Variants in TWIST2 observed in about 807,000 individuals in gnomAD.
TWIST2 encodes the protein twist family bHLH transcription factor 2.
In TWIST2, 1 loss-of-function variant was observed where a neutral mutation model predicts 11.6. That is an observed-to-expected ratio of 0.09 (90% CI 0.03 to 0.41). TWIST2 has a LOEUF of 0.41. Ranked by LOEUF, TWIST2 falls within the 10% of genes least tolerant of loss-of-function variation. The pLI is 0.98. For synonymous variants in TWIST2, 87 were observed against 96.6 expected (o/e 0.90, Z 0.58); for missense variants, 168 against 226.4 (o/e 0.74, Z 1.66).
chr2:238,868,523 A>G (rs142146768), intron 1 of TWIST2, among the ~76,000 whole-genome samples: 11,605 of 152,254 alleles, frequency 0.076, 924 homozygotes, highest in East Asian at 0.45. Context: ...GTCTCCTCCC[A>G]TTCCACGTCC....
chr2:238,887,192 T>C (rs1488416029), intron 1 of TWIST2: 1 of 152,100 alleles, frequency 6.6e-6, no homozygotes, highest in Non-Finnish European at 1.5e-5. Context: ...GGGCGCCCGG[T>C]AATAACCCTC....
intron 1 of TWIST2, among the ~76,000 whole-genome samples, chr2:238,855,049 T>A (rs1023659466): frequency 2.6e-5 from 4 of 152,198 alleles, no homozygotes; most frequent in Non-Finnish European, 5.9e-5. Flanking sequence ...ACTTGTCCTT[T>A]ACTTCCACAA....
chr2:238,899,839 C>A (rs1304076841), intron 1 of TWIST2, among the ~76,000 whole-genome samples: 4 of 152,150 alleles, frequency 2.6e-5, no homozygotes, highest in Non-Finnish European at 5.9e-5. Context: ...GGTGTCCAAA[C>A]CGTGTCATCT....
intron 1 of TWIST2, among the ~76,000 whole-genome samples, chr2:238,872,176 A>G (rs1574756515): frequency 6.6e-6 from 1 of 152,134 alleles, no homozygotes; most frequent in East Asian, 1.9e-4. Context: ...TCTCTATCCC[A>G]CTAGCAGTCC....
At chr2:238,881,284 T>C (rs1472781528) in intron 1 of TWIST2, among the ~76,000 whole-genome samples, 1 of 145,630 alleles carries the variant, frequency 6.9e-6, no homozygotes, top group Non-Finnish European at 1.5e-5. Context: ...TTAGCATTAG[T>C]ATTAATGTTA....
chr2:238,877,747 C>A (rs1692833031), intron 1 of TWIST2, among the ~76,000 whole-genome samples: 1 of 152,150 alleles, frequency 6.6e-6, no homozygotes, highest in Admixed American at 6.6e-5. Flanking sequence ...GTGAACATAT[C>A]ATTTCTTTTA....
intron 1 of TWIST2, among the ~76,000 whole-genome samples, chr2:238,906,921 C>A (rs945027766): frequency 6.6e-6 from 1 of 152,242 alleles, no homozygotes; most frequent in Admixed American, 6.5e-5. Context: ...CAATAATTCT[C>A]GCTGAACACT....
intron 1 of TWIST2, among the ~76,000 whole-genome samples, chr2:238,870,684 A>C (rs1481021765): frequency 3.5e-5 from 1 of 28,978 alleles, no homozygotes; most frequent in African/African-American, 1.8e-4. Flanking sequence ...CCATGCACAC[A>C]CCACACACCA....
intron 1 of TWIST2, among the ~76,000 whole-genome samples, chr2:238,862,760 A>G (rs1216534417): frequency 6.6e-6 from 1 of 152,262 alleles, no homozygotes; most frequent in Non-Finnish European, 1.5e-5. Flanking sequence ...TATCAGCTTC[A>G]TTAATATTGG....
At chr2:238,904,515 CAT>C (rs1218706188) in intron 1 of TWIST2, among the ~76,000 whole-genome samples, 112 of 151,558 alleles carry the variant, frequency 7.4e-4, no homozygotes, top group African/African-American at 2.6e-3. Context: ...AGAGATTTCA[CAT>C]GTGTGCTCAC....
chr2:238,905,964 CGTGT>C (rs1221851359), intron 1 of TWIST2, among the ~76,000 whole-genome samples: 1 of 115,362 alleles, frequency 8.7e-6, no homozygotes. Context: ...TGTACGTGTG[CGTGT>C]GTGTGCGCGC....
At chr2:238,860,345 C>T (rs1322776849) in intron 1 of TWIST2, among the ~76,000 whole-genome samples, 1 of 152,142 alleles carries the variant, frequency 6.6e-6, no homozygotes, top group Non-Finnish European at 1.5e-5. Context: ...ATCTGTGCAC[C>T]CTTTACATGC....
At chr2:238,850,437 C>T (rs557171561) in intron 1 of TWIST2, among the ~76,000 whole-genome samples, 1 of 152,156 alleles carries the variant, frequency 6.6e-6, no homozygotes, top group African/African-American at 2.4e-5. Context: ...TAAGAACAAA[C>T]AGATGAGGAA....
At chr2:238,859,386 G>T (rs1692388913) in intron 1 of TWIST2, among the ~76,000 whole-genome samples, 2 of 151,930 alleles carry the variant, frequency 1.3e-5, no homozygotes, top group African/African-American at 4.8e-5. Context: ...AGGCTTCTCG[G>T]GCTTCATGGG....
rs1229428285 is a variant in TWIST2 at position 238,867,370 on chromosome 2, A to AACACACAC, written c.*35+18672_*35+18679dup. ...CTGGGGAGTAAAATGTCCTGCCTTC[A>AACACACAC]ACACACACACACACACACACACACA... On this transcript the variant is annotated intron_variant, in intron 1 of 1. Transcript: ENST00000612363. This position sits in a 1 kb window ranked among gnomAD's most constrained non-coding sequence, Gnocchi z 4.8. Among the ~76,000 whole-genome samples the AACACACAC allele has an allele frequency of 0.15, 17,363 of 119,466 alleles. 1,600 individuals are homozygous for AACACACAC. The highest frequency in any genetic ancestry group is 0.22 in the Middle Eastern group (51 of 232). The allele number at this position is 119,466 out of a possible 152,430, so 78.4% of individuals were successfully genotyped here. A position where few individuals can be genotyped will look rare whatever the true frequency, so the allele number is the denominator to read the frequency against.
intron 1 of TWIST2, among the ~76,000 whole-genome samples, chr2:238,894,751 TG>T: frequency 6.6e-6 from 1 of 151,926 alleles, no homozygotes; most frequent in African/African-American, 2.4e-5. Flanking sequence ...CCCTCTCAAC[TG>T]GGACTGATCT....
chr2:238,861,422 A>G (rs1477077929), intron 1 of TWIST2, among the ~76,000 whole-genome samples: 1 of 152,172 alleles, frequency 6.6e-6, no homozygotes, highest in African/African-American at 2.4e-5. Context: ...CACTGGAGCC[A>G]GCGCCCAGTG....
intron 1 of TWIST2, among the ~76,000 whole-genome samples, chr2:238,875,223 G>A (rs934880314): frequency 6.6e-6 from 1 of 152,040 alleles, no homozygotes; most frequent in Non-Finnish European, 1.5e-5. Flanking sequence ...TGAGGCCATG[G>A]TGGACCCAGC....
rs67714100 is a variant in TWIST2 at position 238,886,095 on chromosome 2, C to CAA, written c.*36-23730_*36-23729dup. Reference sequence around the variant, plus strand: ...TGGGTGACAGAGTGAGACTCCATCTCAAAAAAAAAAAAAAAAAATCACATT... The same window carrying CAA: ...TGGGTGACAGAGTGAGACTCCATCTCAAAAAAAAAAAAAAAAAAAATCACATT... On this transcript the variant is annotated intron_variant, in intron 1 of 1. Coordinates refer to ENST00000612363, the MANE Select transcript of TWIST2 (RefSeq NM_001271893.4). Among the ~76,000 whole-genome samples the CAA allele has an allele frequency of 4.9e-3, 606 of 123,236 alleles. 7 individuals carry two copies. Among genetic ancestry groups the CAA allele is most frequent in the African/African-American group, 0.017 (542 of 32,236 alleles). 80.8% of individuals were successfully genotyped at this position (123,236 alleles called of 152,430 possible).
Sources: allele counts gnomAD v4.1 joint callset (sites outside exome capture counted in the v4.1 genomes callset), GRCh38; gene constraint gnomAD v4.1.1; non-coding constraint Gnocchi (gnomAD v3.1); transcripts MANE v1.5; gene names NCBI Gene and HGNC (gene_info 2026-07-23, HGNC 2026-07-21).